The following P3H2 variants were observed in gnomAD, a reference collection of about 807,000 sequenced individuals.
The protein encoded by P3H2 is leprecan-like 1.
P3H2 carries 80 observed loss-of-function variants against 87.0 expected under a neutral mutation model. The observed-to-expected ratio is 0.92, with a 90% CI of 0.77 to 1.11. The LOEUF (loss-of-function observed/expected upper bound fraction) is 1.11. Among genes scored for constraint, P3H2 ranks in the 50% least tolerant of loss-of-function variants. The pLI is 0.00. For missense variants in P3H2, 1,001 were observed against 923.9 expected, an observed-to-expected ratio of 1.08 and a Z score of -1.08; for synonymous variants, 367 against 359.3, an observed-to-expected ratio of 1.02 and a Z score of -0.24.
chr3:190,083,978 T>C (rs1237107904), intron 1 of P3H2, among the ~76,000 whole-genome samples: 1 of 152,248 alleles, frequency 6.6e-6, no homozygotes, highest in Admixed American at 6.5e-5. Flanking sequence ...CCTAATGTAC[T>C]CCATTCTCAT....
intron 1 of P3H2, among the ~76,000 whole-genome samples, chr3:190,119,829 A>G (rs1239665234): frequency 1.5e-5 from 2 of 136,492 alleles, no homozygotes; most frequent in Non-Finnish European, 3.1e-5. Context: ...ACTACAGTAT[A>G]GGAAGGATAA....
intron 3 of P3H2, among the ~76,000 whole-genome samples, chr3:189,990,066 T>TTA (rs1723831258): frequency 1.5e-5 from 2 of 137,688 alleles, no homozygotes; most frequent in South Asian, 4.8e-4. Context: ...CAACTGCCTT[T>TTA]TTTTCAAAAG....
At chr3:189,975,611 A>G (rs1053357362) in intron 8 of P3H2, among the ~76,000 whole-genome samples, 1 of 152,220 alleles carries the variant, frequency 6.6e-6, no homozygotes, top group African/African-American at 2.4e-5. Context: ...CAGCAGGGAT[A>G]GGGAAGGCAC....
chr3:190,093,036 A>T (rs1320586562), intron 1 of P3H2, among the ~76,000 whole-genome samples: 1 of 152,192 alleles, frequency 6.6e-6, no homozygotes, highest in African/African-American at 2.4e-5. Context: ...TCCTCCCTTT[A>T]TTAGAGCTTT....
intron 1 of P3H2, among the ~76,000 whole-genome samples, chr3:190,095,930 C>T (rs751056966): frequency 2.0e-4 from 31 of 151,904 alleles, no homozygotes; most frequent in Non-Finnish European, 4.4e-4. Context: ...TAACTCATTA[C>T]GACTCAAGTG....
intron 1 of P3H2, among the ~76,000 whole-genome samples, chr3:190,061,808 C>T (rs1712258323): frequency 6.6e-6 from 1 of 152,064 alleles, no homozygotes; most frequent in African/African-American, 2.4e-5. Flanking sequence ...ATGCTAGGAT[C>T]CACACAAGCA....
intron 3 of P3H2, among the ~76,000 whole-genome samples, chr3:189,989,812 T>A (rs1432593612): frequency 6.6e-6 from 1 of 152,104 alleles, no homozygotes; most frequent in African/African-American, 2.4e-5. Flanking sequence ...AGTCCTGAAG[T>A]GTTAGGGTCT....
At chr3:190,019,785 A>AT (rs1560365170) in intron 1 of P3H2, among the ~76,000 whole-genome samples, 875 of 37,344 alleles carry the variant, frequency 0.023, 128 homozygotes, top group Middle Eastern at 0.08. Context: ...GAAATTAAAA[A>AT]ATATATATAT....
At chr3:190,112,406 G>A (rs945135874) in intron 1 of P3H2, among the ~76,000 whole-genome samples, 1 of 152,148 alleles carries the variant, frequency 6.6e-6, no homozygotes, top group African/African-American at 2.4e-5. Context: ...CACACATGAG[G>A]GTAAGTGACA....
intron 1 of P3H2, among the ~76,000 whole-genome samples, chr3:190,005,669 ACT>A (rs1374257277): frequency 6.6e-6 from 1 of 152,186 alleles, no homozygotes; most frequent in Admixed American, 6.5e-5. Context: ...TGAAATATAA[ACT>A]CTTGCTTTTA....
chr3:190,106,226 T>TG lies in P3H2; in HGVS notation c.480+14025dup, dbSNP rs1711832038. Among the ~76,000 whole-genome samples, 3 of 152,150 alleles carry TG rather than the reference T, an allele frequency of 2.0e-5. No homozygotes were observed. The South Asian group carries it at 6.2e-4, about 32-fold the overall frequency. ...GAAATCAGAGAATGGGAGAATTTAATGGGGAAGAAAGAAAAGAACATTTCT... is the reference window on the plus strand; with the variant it reads ...GAAATCAGAGAATGGGAGAATTTAATGGGGGAAGAAAGAAAAGAACATTTCT... On this transcript the variant is annotated intron_variant, in intron 1 of 14. Coordinates refer to ENST00000319332, the MANE Select transcript of P3H2 (RefSeq NM_018192.4).
chr3:189,994,195 A>C lies in P3H2; in HGVS notation c.722T>G (p.Phe241Cys), dbSNP rs767744731. The change falls in exon 3 of 15, where the codon TTC (phenylalanine) becomes TGC (cysteine). Residue 241 changes from phenylalanine to cysteine, a missense_variant. By Grantham distance (205) the Phe-to-Cys change is radical. Coordinates refer to ENST00000319332, the MANE Select transcript of P3H2 (RefSeq NM_018192.4). ...GGTCCGGCATTCTGTATCTTCAACG[A>C]AATATTCTCTTAAGGCTTGTTCGAA... ...RHFEQALREYFVEDTECRTLC... is the reference protein window; with the variant it reads ...RHFEQALREYCVEDTECRTLC... The C allele has an allele frequency of 1.2e-6, 2 of 1,613,848 alleles. No individual in the cohort carries two copies. The highest frequency in any genetic ancestry group is 3.3e-5 in the Admixed American group (2 of 60,020).
Position 189,988,917 on chromosome 3 carries a change from G to A in P3H2, c.945C>T (p.Ala315=), listed in dbSNP as rs758650726. ...TGATCCACGCTTTACCTCGATAGTA[G>A]GCAAACTGTAGGTAATCATAGTGCA... ...LPLHYDYLQF[A]YYRVGEYVKA... is the part of the protein sequence containing the mutation. The change falls in exon 4 of 15, where the codon GCC becomes GCT. Residue 315 remains alanine (A), a synonymous_variant. Transcript: ENST00000319332. 1.4e-5 allele frequency: 22 copies of A among 1,614,074 alleles called. 1 individual carries two copies. The South Asian group carries it at 2.1e-4, about 15-fold the overall frequency.
chr3:189,974,782 C>A (rs756725934), intron 8 of P3H2, 97 bp from the exon 9 acceptor site: 2 of 1,381,756 alleles, frequency 1.4e-6, no homozygotes, highest in African/African-American at 1.4e-5. Context: ...TCGAGTGAGT[C>A]CATTTCTTCA....
At chr3:190,037,118 TAGGAGTGAAGGG>T (rs1246925465) in intron 1 of P3H2, among the ~76,000 whole-genome samples, 1 of 152,074 alleles carries the variant, frequency 6.6e-6, no homozygotes, top group Non-Finnish European at 1.5e-5. Flanking sequence ...ATTTGACACT[TAGGAGTGAAGGG>T]ATTATCTGCC....
chr3:190,039,217 A>G (rs970749622), intron 1 of P3H2, among the ~76,000 whole-genome samples: 3 of 152,012 alleles, frequency 2.0e-5, no homozygotes, highest in African/African-American at 4.8e-5. Context: ...AGAATTGAGC[A>G]CTGTAAGGAA....
intron 1 of P3H2, among the ~76,000 whole-genome samples, chr3:190,094,958 A>G (rs1054497069): frequency 1.3e-5 from 2 of 152,176 alleles, no homozygotes; most frequent in African/African-American, 2.4e-5. Context: ...TGCCACAGTC[A>G]GGCCAAATAT....
intron 14 of P3H2, among the ~76,000 whole-genome samples, chr3:189,959,858 ATATG>A (rs1301678140): frequency 3.8e-5 from 5 of 131,184 alleles, no homozygotes; most frequent in African/African-American, 1.3e-4. Flanking sequence ...ACTGGAGGAG[ATATG>A]TGTGTGTGTG....
At chr3:189,987,406 G>A (rs1365131333) in intron 5 of P3H2, 121 bp downstream of exon 5, 15 of 1,111,602 alleles carry the variant, frequency 1.3e-5, no homozygotes, top group Non-Finnish European at 1.5e-5. Context: ...TTGAACCCGG[G>A]AGGCGGAGGT....
Sources: allele counts gnomAD v4.1 joint callset (sites outside exome capture counted in the v4.1 genomes callset), GRCh38; gene constraint gnomAD v4.1.1; transcripts MANE v1.5; gene names NCBI Gene and HGNC (gene_info 2026-07-23, HGNC 2026-07-21).